Variants in TBL1X observed in about 807,000 individuals in gnomAD.
The protein encoded by TBL1X is F-box-like/WD repeat-containing protein TBL1X.
A neutral mutation model predicts 50.7 loss-of-function variants in TBL1X; 10 were observed. The ratio of observed to expected loss-of-function variants is 0.20; its 90% CI spans 0.12 to 0.33. The LOEUF is 0.33. TBL1X is among the 10% of genes least tolerant of loss of function. The pLI is 1.00. For synonymous variants in TBL1X, 190 were observed against 214.7 expected, an observed-to-expected ratio of 0.88 and a Z score of 1.01; for missense variants, 340 against 504.4, an observed-to-expected ratio of 0.67 and a Z score of 3.12.
At chrX:9,685,714 TTTC>T (rs1245754474) in intron 6 of TBL1X, among the ~76,000 whole-genome samples, 2 of 81,000 alleles carry the variant, frequency 2.5e-5, no homozygotes, top group South Asian at 8.3e-4. Flanking sequence ...TTTCTTTTCT[TTTC>T]TTTTTTTTTT....
intron 3 of TBL1X, among the ~76,000 whole-genome samples, chrX:9,650,359 C>A (rs2082826961): frequency 9.0e-6 from 1 of 111,481 alleles, no homozygotes; most frequent in Non-Finnish European, 1.9e-5. Context: ...TTTTTTCCCC[C>A]AGAGTAAAAG....
intron 5 of TBL1X, among the ~76,000 whole-genome samples, chrX:9,681,846 C>G (rs1017053880): frequency 8.9e-6 from 1 of 112,695 alleles, no homozygotes; most frequent in Non-Finnish European, 1.9e-5. Context: ...CAGTTACCCT[C>G]AAAAGATCTC....
intron 3 of TBL1X, among the ~76,000 whole-genome samples, chrX:9,652,904 C>T (rs2082844096): frequency 1.8e-5 from 2 of 110,870 alleles, no homozygotes; most frequent in Middle Eastern, 4.7e-3. Context: ...TGGTGGCTCA[C>T]GCCCGTAATC....
intron 2 of TBL1X, among the ~76,000 whole-genome samples, chrX:9,561,721 T>C (rs866670139): frequency 8.9e-6 from 1 of 112,443 alleles, no homozygotes; most frequent in Non-Finnish European, 1.9e-5. Flanking sequence ...GACCCAGTTC[T>C]TGGATTAGCT....
In TBL1X at chrX:9,603,539, C is replaced by T. The variant is rs150639012; in HGVS notation, c.-130-36734C>T. The stretch of plus-strand genomic sequence containing the variant: ...ACCGAGGGACACGGTGGAGGCACGC[C>T]GGACCCGGGCTGAGCTTGGTAACCA... On this transcript the variant is annotated intron_variant, in intron 2 of 17. Transcript: ENST00000645353. 8.0e-3 allele frequency among the ~76,000 whole-genome samples: 888 copies of T among 111,672 alleles called. 9 individuals carry two copies. The highest frequency in any genetic ancestry group is 0.027 in the African/African-American group (827 of 30,748).
intron 2 of TBL1X, among the ~76,000 whole-genome samples, chrX:9,611,709 A>C (rs1048625095): frequency 2.7e-5 from 3 of 112,572 alleles, no homozygotes; most frequent in Admixed American, 9.4e-5. Flanking sequence ...CTTAATTAGC[A>C]GCACTCTGGG....
At chrX:9,677,565 C>T (rs980093869) in intron 5 of TBL1X, among the ~76,000 whole-genome samples, 1 of 110,667 alleles carries the variant, frequency 9.0e-6, no homozygotes, top group African/African-American at 3.3e-5. Context: ...AGGGATATCC[C>T]CACCCCTTTA....
intron 2 of TBL1X, among the ~76,000 whole-genome samples, chrX:9,594,655 A>G (rs1006991523): frequency 3.6e-5 from 4 of 112,192 alleles, no homozygotes; most frequent in Non-Finnish European, 7.5e-5. Context: ...GCCACAAGGG[A>G]TCATTGCATT....
At chrX:9,503,072 ACCATAATAAGCGTGTGAATC>A (rs990486688) in intron 2 of TBL1X, among the ~76,000 whole-genome samples, 5 of 112,505 alleles carry the variant, frequency 4.4e-5, no homozygotes, top group Non-Finnish European at 7.5e-5. Flanking sequence ...ATCAGAAAAG[ACCATAATAAGCGTGTGAATC>A]CTTCATCAGC....
chrX:9,613,264 C>G (rs781456924), intron 2 of TBL1X, among the ~76,000 whole-genome samples: 1 of 111,593 alleles, frequency 9.0e-6, no homozygotes, highest in East Asian at 2.8e-4. Flanking sequence ...ACCCTGCAGA[C>G]TCCAATAGGA....
rs2082437185 is a variant in TBL1X, at chrX:9,580,777, G to A, written c.-130-59496G>A. Among the ~76,000 whole-genome samples, 6 of 111,678 alleles carry A rather than the reference G, an allele frequency of 5.4e-5. No homozygotes were observed. In the Admixed American group the frequency reaches 5.7e-4, roughly 11 times the overall value. ...TTTTTTGATAGGCCATTGGTTGAAAGAGTCATTACCAATAGAAAGGAATGT... is the reference window on the plus strand; with the variant it reads ...TTTTTTGATAGGCCATTGGTTGAAAAAGTCATTACCAATAGAAAGGAATGT... On this transcript the variant is annotated intron_variant, in intron 2 of 17. Transcript: ENST00000645353.
chrX:9,583,683 G>C (rs1445950262), intron 2 of TBL1X, among the ~76,000 whole-genome samples: 1 of 112,259 alleles, frequency 8.9e-6, no homozygotes, highest in African/African-American at 3.2e-5. Context: ...AGGTAGCCGT[G>C]AATTACCTCT....
chrX:9,686,438 C>T (rs1377996433), intron 6 of TBL1X, among the ~76,000 whole-genome samples: 1 of 112,677 alleles, frequency 8.9e-6, no homozygotes, highest in Non-Finnish European at 1.9e-5. Context: ...TAGCACACAT[C>T]TGTAATCGCA....
chrX:9,509,264 A>G (rs373982881), intron 2 of TBL1X, among the ~76,000 whole-genome samples: 3 of 99,332 alleles, frequency 3.0e-5, no homozygotes, highest in East Asian at 3.5e-4. Flanking sequence ...GGTGGCGGGC[A>G]CCTGTAGTCC....
intron 1 of TBL1X, among the ~76,000 whole-genome samples, chrX:9,492,872 T>G (rs866971118): frequency 6.1e-5 from 3 of 48,989 alleles, no homozygotes; most frequent in South Asian, 1.3e-3. Flanking sequence ...TGTGTGTGTG[T>G]GTGTGTGTGT....
At chrX:9,599,913 A>G (rs2082545872) in intron 2 of TBL1X, among the ~76,000 whole-genome samples, 1 of 111,745 alleles carries the variant, frequency 8.9e-6, no homozygotes, top group Admixed American at 9.5e-5. Context: ...AGCCATGCTA[A>G]CCTCCCTGGG....
At chrX:9,470,491 G>C (rs1402836034) in intron 1 of TBL1X, among the ~76,000 whole-genome samples, 1 of 112,426 alleles carries the variant, frequency 8.9e-6, no homozygotes, top group Non-Finnish European at 1.9e-5. Flanking sequence ...CCTGACCTCA[G>C]GTGATCCACC....
At chrX:9,518,053 C>T (rs1269681465) in intron 2 of TBL1X, among the ~76,000 whole-genome samples, 1 of 102,508 alleles carries the variant, frequency 9.8e-6, no homozygotes, top group Non-Finnish European at 2.0e-5. Context: ...GAGCCATGTT[C>T]ATGCCAATGC....
chrX:9,547,069 C>T (rs368932127), intron 2 of TBL1X, among the ~76,000 whole-genome samples: 11 of 109,559 alleles, frequency 1.0e-4, no homozygotes, highest in East Asian at 2.9e-4. Context: ...CCGCCCGCCT[C>T]GGCCTCCCAA....
Sources: gnomAD v4.1 joint callset for allele counts (sites outside exome capture counted in the v4.1 genomes callset) on GRCh38, gnomAD v4.1.1 for gene constraint, MANE v1.5 for transcripts, NCBI Gene and HGNC (gene_info 2026-07-23, HGNC 2026-07-21) for gene names.